The following GGNBP2 variants were observed in gnomAD, a reference collection of about 807,000 sequenced individuals.
The protein encoded by GGNBP2 is gametogenetin binding protein 2.
GGNBP2 carries 10 observed loss-of-function variants against 85.9 expected under a neutral mutation model. The observed-to-expected ratio is 0.12, with a 90% CI of 0.07 to 0.20. The LOEUF is 0.20. Among genes scored for constraint, GGNBP2 ranks in the 10% least tolerant of loss-of-function variants. The pLI is 1.00. For missense variants in GGNBP2, 595 were observed against 857.8 expected, an observed-to-expected ratio of 0.69 and a Z score of 3.83; for synonymous variants, 287 against 285.7, an observed-to-expected ratio of 1.00 and a Z score of -0.05.
intron 9 of GGNBP2, among the ~76,000 whole-genome samples, chr17:36,584,006 T>C (rs924105367): frequency 6.6e-6 from 1 of 152,244 alleles, no homozygotes; most frequent in Non-Finnish European, 1.5e-5. Flanking sequence ...CACTGAATTA[T>C]GCAGGTCAGA....
intron 5 of GGNBP2, among the ~76,000 whole-genome samples, chr17:36,566,920 CT>C (rs2074474508): frequency 1.3e-5 from 2 of 151,464 alleles, no homozygotes; most frequent in African/African-American, 4.9e-5. Flanking sequence ...AATCCCAGTG[CT>C]TTGGGAGGCT....
chr17:36,556,263 C>A (rs763050195), intron 3 of GGNBP2, among the ~76,000 whole-genome samples: 15 of 152,156 alleles, frequency 9.9e-5, no homozygotes, highest in Non-Finnish European at 1.9e-4. Context: ...GGAAGATAGG[C>A]CATGTTTTCT....
Position 36,567,652 on chromosome 17 carries a change from T to C in GGNBP2, c.528-11T>C. 1 of 1,421,834 alleles carries C rather than the reference T, an allele frequency of 7.0e-7. No individual in the cohort carries two copies. The highest frequency in any genetic ancestry group is 1.2e-5 in the South Asian group (1 of 84,978). The allele number at this position is 1,421,834 out of a possible 1,614,324, so 88.1% of individuals were successfully genotyped here. ...ATTCTCCCTTTTCACTAATATTTGT[T>C]CTTTCTACAGAGGTTGTTGGATGGA... On this transcript the variant is annotated splice_polypyrimidine_tract_variant and intron_variant, in intron 5 of 13. Transcript: ENST00000613102.
intron 4 of GGNBP2, among the ~76,000 whole-genome samples, chr17:36,558,033 A>T (rs2074379919): frequency 6.6e-6 from 1 of 151,716 alleles, no homozygotes; most frequent in Admixed American, 6.6e-5. Context: ...AATCACTTGA[A>T]CCCAGGAGGC....
chr17:36,583,085 C>G (rs961518187), intron 9 of GGNBP2, among the ~76,000 whole-genome samples: 1 of 151,652 alleles, frequency 6.6e-6, no homozygotes, highest in Admixed American at 6.6e-5. Flanking sequence ...GACAGAGTCT[C>G]GCTCTGTTGC....
chr17:36,559,255 C>T (rs1483030118), intron 4 of GGNBP2, among the ~76,000 whole-genome samples: 5 of 147,434 alleles, frequency 3.4e-5, no homozygotes, highest in African/African-American at 1.3e-4. Flanking sequence ...CAAGATTGCG[C>T]CACTGCAGTC....
At chr17:36,558,091 G>A (rs1297571505) in intron 4 of GGNBP2, among the ~76,000 whole-genome samples, 2 of 150,090 alleles carry the variant, frequency 1.3e-5, no homozygotes, top group Non-Finnish European at 3.0e-5. Context: ...CAGCCAGGGC[G>A]ACAGAGCGAG....
At chr17:36,560,545 C>G (rs2074407315) in intron 4 of GGNBP2, among the ~76,000 whole-genome samples, 1 of 152,126 alleles carries the variant, frequency 6.6e-6, no homozygotes, top group Non-Finnish European at 1.5e-5. Context: ...GCTTCTGCAA[C>G]TGGTGTATTT....
At chr17:36,580,918 CAA>C (rs201738616) in intron 8 of GGNBP2, among the ~76,000 whole-genome samples, 8 of 133,990 alleles carry the variant, frequency 6.0e-5, no homozygotes, top group South Asian at 2.4e-4. Flanking sequence ...GACTCTGTCT[CAA>C]AAAAAAAAAA....
chr17:36,573,465 TGTC>T (rs1181091544), intron 6 of GGNBP2, among the ~76,000 whole-genome samples: 2 of 152,362 alleles, frequency 1.3e-5, no homozygotes, highest in East Asian at 3.9e-4. Context: ...TTTCGCCTGT[TGTC>T]AATAAATGCT....
chr17:36,576,553 C>CAAAAAAAAAAAA (rs57856781), intron 6 of GGNBP2: 1 of 25,466 alleles, frequency 3.9e-5, no homozygotes, highest in Non-Finnish European at 5.6e-5. Flanking sequence ...GACTCTGTCT[C>CAAAAAAAAAAAA]AAAAAAAAAA....
At chr17:36,581,882 A>G (rs1373852421) in intron 9 of GGNBP2, 1 of 158,284 alleles carries the variant, frequency 6.3e-6, no homozygotes, top group Non-Finnish European at 1.4e-5. Flanking sequence ...CATCCTCCTT[A>G]TACTTTTATT....
At chr17:36,579,017 G>C (rs1235287662) in intron 7 of GGNBP2, 2 of 476,302 alleles carry the variant, frequency 4.2e-6, no homozygotes, top group Non-Finnish European at 7.5e-6. Context: ...GCCAGTTCCT[G>C]AATTACTTTA....
chr17:36,551,479 C>T (rs936664622), intron 2 of GGNBP2, among the ~76,000 whole-genome samples: 2 of 151,740 alleles, frequency 1.3e-5, no homozygotes, highest in African/African-American at 2.4e-5. Flanking sequence ...GCTGGGATTA[C>T]GGGCGTGAGC....
At chr17:36,559,381 G>A (rs2074395506) in intron 4 of GGNBP2, among the ~76,000 whole-genome samples, 1 of 151,228 alleles carries the variant, frequency 6.6e-6, no homozygotes, top group African/African-American at 2.4e-5. Flanking sequence ...ATGTAACAGA[G>A]CTCATCTTTG....
In GGNBP2 at chr17:36,557,072, C is replaced by A. The variant is rs1432764483; in HGVS notation, c.175-11C>A. The A allele has an allele frequency of 6.2e-7, 1 of 1,613,568 alleles. No individual in the cohort carries two copies. Among genetic ancestry groups the A allele is most frequent in the South Asian group, 1.1e-5 (1 of 91,080 alleles). On this transcript the variant is annotated splice_polypyrimidine_tract_variant and intron_variant, in intron 3 of 13. Transcript: ENST00000613102. ...TAAAGGACACTCTTTCATTTTCTTT[C>A]CCTCTTTCAGCGACATGGTATGCTT...
At chr17:36,583,522 A>G (rs2074671892) in intron 9 of GGNBP2, among the ~76,000 whole-genome samples, 1 of 151,404 alleles carries the variant, frequency 6.6e-6, no homozygotes. Flanking sequence ...GCAGTGGCAC[A>G]ATCTTGGTTC....
In GGNBP2 at chr17:36,587,382, T is replaced by C. The variant is rs1447672513; in HGVS notation, c.1890+137T>C. 9.8e-6 allele frequency: 9 copies of C among 915,748 alleles called. No individual in the cohort carries two copies. In the African/African-American group the frequency reaches 1.3e-4, roughly 13 times the overall value. 56.7% of individuals were successfully genotyped at this position (915,748 alleles called of 1,614,324 possible). On this transcript the variant is annotated intron_variant, in intron 13 of 13. Coordinates refer to ENST00000613102, the MANE Select transcript of GGNBP2 (RefSeq NM_024835.5). ...ATTAAGGGTAGTATTTCATTATTGT[T>C]TGGGGACTTCATTTCTGTCCTTCCA...
chr17:36,583,158 A>G (rs2074667848), intron 9 of GGNBP2, among the ~76,000 whole-genome samples: 1 of 152,020 alleles, frequency 6.6e-6, no homozygotes, highest in African/African-American at 2.4e-5. Context: ...GGTTCAAGCA[A>G]TTCTCCTGCC....
Sources: gnomAD v4.1 joint callset for allele counts (sites outside exome capture counted in the v4.1 genomes callset) on GRCh38, gnomAD v4.1.1 for gene constraint, MANE v1.5 for transcripts, NCBI Gene and HGNC (gene_info 2026-07-23, HGNC 2026-07-21) for gene names.